TTLL12: variants seen among roughly 807,000 people sequenced by gnomAD.
The protein encoded by TTLL12 is tubulin--tyrosine ligase-like protein 12.
TTLL12 carries 77 observed loss-of-function variants against 79.6 expected under a neutral mutation model. The ratio of observed to expected loss-of-function variants is 0.97; its 90% confidence interval spans 0.81 to 1.17. TTLL12 has a LOEUF of 1.17. Ranked by LOEUF, TTLL12 falls within the 50% of genes most tolerant of loss-of-function variation. The pLI is 0.00. For missense variants in TTLL12, 969 were observed against 895.9 expected (o/e 1.08, Z -1.04); for synonymous variants, 437 against 376.1 (o/e 1.16, Z -1.87).
chr22:43,176,477 C>T, intron 5 of TTLL12, 81 bp from the exon 6 acceptor site: 1 of 1,186,984 alleles, frequency 8.4e-7, no homozygotes, highest in Non-Finnish European at 1.2e-6. Flanking sequence ...TGTCCATAAT[C>T]CCAGCACTTT....
At chr22:43,169,621 G>A (rs909024538) in intron 11 of TTLL12, 53 bp from the exon 12 acceptor site, 1 of 1,586,218 alleles carries the variant, frequency 6.3e-7, no homozygotes, top group Admixed American at 1.8e-5. Flanking sequence ...GCTGGGCCGG[G>A]AGCAGGCAGC....
chr22:43,174,818 C>T (rs1472151829), intron 6 of TTLL12, among the ~76,000 whole-genome samples: 4 of 152,232 alleles, frequency 2.6e-5, no homozygotes, highest in Admixed American at 1.3e-4. Flanking sequence ...CAACCTGTAC[C>T]CTTGTGACCC....
intron 1 of TTLL12, chr22:43,186,027 A>G: frequency 1.0e-6 from 1 of 985,370 alleles, no homozygotes; most frequent in Non-Finnish European, 1.2e-6. Flanking sequence ...TGGCTCAGAG[A>G]CCGTAGAGTC....
rs1931831561 is a variant in TTLL12 at position 43,173,921 on chromosome 22, TCTC to T, written c.1230-98_1230-96del. 6 of 1,193,658 alleles carry T rather than the reference TCTC, an allele frequency of 5.0e-6. No individual in the cohort carries two copies. In the East Asian group the frequency reaches 1.5e-4, roughly 30 times the overall value. The allele number at this position is 1,193,658 out of a possible 1,614,324, so 73.9% of individuals were successfully genotyped here. A position where few individuals can be genotyped will look rare whatever the true frequency, so the allele number is the denominator to read the frequency against. On this transcript the variant is annotated intron_variant, in intron 8 of 13. Coordinates refer to ENST00000216129, the MANE Select transcript of TTLL12 (RefSeq NM_015140.4). Reference sequence around the variant, plus strand: ...CAGAGGCAGAAGAGGGCAGCCCACTTCTCCTTGGGAGCTGAGGGGGCACCAGAG... The same window carrying T: ...CAGAGGCAGAAGAGGGCAGCCCACTTCTTGGGAGCTGAGGGGGCACCAGAG...
intron 9 of TTLL12, among the ~76,000 whole-genome samples, chr22:43,173,117 G>A (rs1357591028): frequency 3.3e-5 from 5 of 152,040 alleles, no homozygotes; most frequent in Non-Finnish European, 7.4e-5. Flanking sequence ...TGCATTTCCC[G>A]CCAGCCTCTG....
At position 43,182,926 on chromosome 22, in the gene TTLL12, C is replaced by A. The variant is rs1349469151; in HGVS notation, c.347+54G>T. On this transcript the variant is annotated intron_variant, in intron 2 of 13. Transcript: ENST00000216129. The stretch of plus-strand genomic sequence containing the variant: ...CCCAGGAGAATCTGCATTACTGCAT[C>A]TCCCACCTTTCACCAAGTGAAGGTT... 6 of 1,586,546 alleles carry A rather than the reference C, an allele frequency of 3.8e-6. No individual in the cohort carries two copies. The African/African-American group carries it at 8.0e-5, about 21-fold the overall frequency.
rs573950013 is a variant in TTLL12, at chr22:43,167,819, A to G, written c.*189T>C. On this transcript the variant is annotated 3_prime_UTR_variant, in exon 14 of 14. Transcript: ENST00000216129. Reference sequence around the variant, plus strand: ...CACCATCACTGTCCTGCTCTGACCCACAGGTGAGAGGAGGATGCTGTGCTC... The same window carrying G: ...CACCATCACTGTCCTGCTCTGACCCGCAGGTGAGAGGAGGATGCTGTGCTC... The G allele has an allele frequency of 2.1e-3, 1,344 of 644,818 alleles. 4 individuals are homozygous for G. The highest frequency in any genetic ancestry group is 1.5e-3 in the Non-Finnish European group (579 of 382,026). 39.9% of individuals were successfully genotyped at this position (644,818 alleles called of 1,614,324 possible). A position where few individuals can be genotyped will look rare whatever the true frequency, so the allele number is the denominator to read the frequency against.
chr22:43,184,529 T>G (rs1417504434), intron 1 of TTLL12, among the ~76,000 whole-genome samples: 1 of 151,848 alleles, frequency 6.6e-6, no homozygotes, highest in Admixed American at 6.6e-5. Flanking sequence ...GAGGGAAGAG[T>G]AAGAGCGAAG....
chr22:43,172,650 C>A, intron 9 of TTLL12, 96 bp from the exon 10 acceptor site: 2 of 1,352,520 alleles, frequency 1.5e-6, no homozygotes, highest in Non-Finnish European at 2.1e-6. Flanking sequence ...GACATGGCTG[C>A]ACTTTACTCC....
In TTLL12 at chr22:43,172,473, C is replaced by T. The variant is rs754514158; in HGVS notation, c.1423G>A (p.Val475Met). The change falls in exon 10 of 14, where the codon GTG becomes ATG. Residue 475 changes from valine (V) to methionine (M), a missense_variant. Physicochemically the swap from Val to Met is conservative, Grantham distance 21. Transcript: ENST00000216129. ...AGGGGCCTCACTGACCGCAGCAGCACGATGTAGCGGATGTCGAACTTGACC... is the reference window on the plus strand; with the variant it reads ...AGGGGCCTCACTGACCGCAGCAGCATGATGTAGCGGATGTCGAACTTGACC... Reference protein sequence around the residue: ...GKVKFDIRYIVLLRSVRPLRL... With the variant: ...GKVKFDIRYIMLLRSVRPLRL... 2.2e-5 allele frequency: 35 copies of T among 1,614,040 alleles called. No individual in the cohort carries two copies. Among genetic ancestry groups the T allele is most frequent in the Non-Finnish European group, 2.6e-5 (31 of 1,180,032 alleles).
Position 43,174,565 on chromosome 22 carries a change from A to C in TTLL12, c.968T>G (p.Phe323Cys). Residue 323 changes from phenylalanine to cysteine, a missense_variant, in exon 7 of 14, where the codon TTC becomes TGC. Physicochemically the swap from Phe to Cys is radical, Grantham distance 205. Coordinates refer to ENST00000216129, the MANE Select transcript of TTLL12 (RefSeq NM_015140.4). Reference sequence around the variant, plus strand: ...GTCCGCCTCACTCTGGGTGAGGGTGAAGCGCGGGTGGGTGAGGCTGCTGGC... The same window carrying C: ...GTCCGCCTCACTCTGGGTGAGGGTGCAGCGCGGGTGGGTGAGGCTGCTGGC... ...QVASSLTHPR[F>C]TLTQSEADAD... The C allele has an allele frequency of 6.2e-7, 1 of 1,613,404 alleles. No homozygotes were observed. Among genetic ancestry groups the C allele is most frequent in the Middle Eastern group, 1.7e-4 (1 of 6,056 alleles).
chr22:43,174,564 G>GAAGC lies in TTLL12; in HGVS notation c.965_968dup (p.Phe323LeufsTer8), dbSNP rs889003892. The stretch of plus-strand genomic sequence containing the variant: ...CGTCCGCCTCACTCTGGGTGAGGGT[G>GAAGC]AAGCGCGGGTGGGTGAGGCTGCTGG... On this transcript the variant is annotated frameshift_variant, in exon 7 of 14. Transcript: ENST00000216129. LOFTEE classifies it high-confidence loss of function. 1 of 1,613,348 alleles carries GAAGC rather than the reference G, an allele frequency of 6.2e-7. No individual in the cohort carries two copies. Among genetic ancestry groups the GAAGC allele is most frequent in the Admixed American group, 1.7e-5 (1 of 59,954 alleles).
In TTLL12 at chr22:43,173,771, T is replaced by A. The variant is rs1449955578; in HGVS notation, c.1285A>T (p.Thr429Ser). Residue 429 changes from threonine to serine, a missense_variant, in exon 9 of 14, where the codon ACC (threonine) becomes TCC (serine). By Grantham distance (58) the Thr-to-Ser change is moderately conservative. Coordinates refer to ENST00000216129, the MANE Select transcript of TTLL12 (RefSeq NM_015140.4). ...CTGTGCAGGCTCTTGGTGACGTGGG[T>A]GTCCAGGCTGCGCGCCAGGTTCCAG... ...KPWNLARSLDTHVTKSLHSII... is the reference protein window; with the variant it reads ...KPWNLARSLDSHVTKSLHSII... The A allele has an allele frequency of 6.2e-7, 1 of 1,604,818 alleles. No homozygotes were observed. Among genetic ancestry groups the A allele is most frequent in the Non-Finnish European group, 8.5e-7 (1 of 1,179,904 alleles).
chr22:43,183,087 G>T lies in TTLL12; in HGVS notation c.240C>A (p.Asp80Glu), dbSNP rs551542930. The T allele has an allele frequency of 6.2e-7, 1 of 1,613,936 alleles. No homozygotes were observed. The highest frequency in any genetic ancestry group is 1.3e-5 in the African/African-American group (1 of 75,024). The change falls in exon 2 of 14, where the codon GAC (aspartate) becomes GAA (glutamate). Residue 80 changes from aspartate to glutamate, a missense_variant. Asp to Glu is a conservative substitution (Grantham distance 45). Transcript: ENST00000216129. Reference sequence around the variant, plus strand: ...GCTTCCGCACCTCCCGGGCTGCCTCGTCCTCCTCCTCTTCTACCTCCTCCA... The same window carrying T: ...GCTTCCGCACCTCCCGGGCTGCCTCTTCCTCCTCCTCTTCTACCTCCTCCA... ...MQVEEVEEEE[D>E]EAAREVRKQQ...
At chr22:43,177,704 G>A (rs1931950774) in intron 5 of TTLL12, among the ~76,000 whole-genome samples, 1 of 152,256 alleles carries the variant, frequency 6.6e-6, no homozygotes, top group East Asian at 1.9e-4. Context: ...ATGCACATAT[G>A]CCATGCAGAA....
At chr22:43,178,246 G>A (rs939137849) in intron 5 of TTLL12, among the ~76,000 whole-genome samples, 1 of 151,580 alleles carries the variant, frequency 6.6e-6, no homozygotes, top group Non-Finnish European at 1.5e-5. Context: ...GTGAAAGGAG[G>A]CCCCCCCACC....
In TTLL12 at chr22:43,176,301, G is replaced by C; in HGVS notation, c.917+19C>G. 1 of 1,518,384 alleles carries C rather than the reference G, an allele frequency of 6.6e-7. No individual in the cohort carries two copies. The highest frequency in any genetic ancestry group is 1.2e-5 in the South Asian group (1 of 84,964). 94.1% of individuals were successfully genotyped at this position (1,518,384 alleles called of 1,614,324 possible). A position where few individuals can be genotyped will look rare whatever the true frequency, so the allele number is the denominator to read the frequency against. On this transcript the variant is annotated intron_variant, in intron 6 of 13. Coordinates refer to ENST00000216129, the MANE Select transcript of TTLL12 (RefSeq NM_015140.4). ...CTGCGGACAAGTCCCAGCCCAAGCA[G>C]TGGGGGGGGGCTACGCACTTGAAGA...
In TTLL12 at chr22:43,181,061, C is replaced by T. The variant is rs1053586528; in HGVS notation, c.348-121G>A. On this transcript the variant is annotated intron_variant, in intron 2 of 13. Coordinates refer to ENST00000216129, the MANE Select transcript of TTLL12 (RefSeq NM_015140.4). Reference sequence around the variant, plus strand: ...CCCAAGCTTCCTTAGATTTGGTCTACTGGGTGCCATAGTTATGCCTAGTTT... The same window carrying T: ...CCCAAGCTTCCTTAGATTTGGTCTATTGGGTGCCATAGTTATGCCTAGTTT... 1.3e-5 allele frequency: 15 copies of T among 1,157,150 alleles called. No individual in the cohort carries two copies. In the African/African-American group the frequency reaches 1.7e-4, roughly 13 times the overall value. 71.7% of individuals were successfully genotyped at this position (1,157,150 alleles called of 1,614,324 possible).
intron 1 of TTLL12, among the ~76,000 whole-genome samples, chr22:43,183,927 C>T (rs544356634): frequency 6.6e-6 from 1 of 152,378 alleles, no homozygotes; most frequent in South Asian, 2.1e-4. Context: ...AGTTACTTAA[C>T]TATCCCATGC....
Sources: allele counts gnomAD v4.1 joint callset (sites outside exome capture counted in the v4.1 genomes callset), GRCh38; gene constraint gnomAD v4.1.1; transcripts MANE v1.5; gene names NCBI Gene and HGNC (gene_info 2026-07-23, HGNC 2026-07-21).